The following IFT43 variants were observed in gnomAD, a reference collection of about 807,000 sequenced individuals.
IFT43 encodes the protein intraflagellar transport protein 43 homolog.
A neutral mutation model predicts 32.3 loss-of-function variants in IFT43; 33 were observed. The observed-to-expected ratio is 1.02, with a 90% confidence interval of 0.77 to 1.37. IFT43 has a LOEUF of 1.37. Ranked by LOEUF, IFT43 falls within the 40% of genes most tolerant of loss-of-function variation. The pLI is 0.00. For missense variants in IFT43, 274 were observed against 265.9 expected (o/e 1.03, Z -0.21); for synonymous variants, 93 against 98.2 (o/e 0.95, Z 0.31).
At chr14:76,012,264 C>T (rs1017337452) in intron 2 of IFT43, among the ~76,000 whole-genome samples, 8 of 152,124 alleles carry the variant, frequency 5.3e-5, no homozygotes, top group African/African-American at 1.9e-4. Context: ...CAGAAGGCTC[C>T]TTTTTTGGCA....
chr14:76,081,493 A>T (rs972092236), intron 5 of IFT43, among the ~76,000 whole-genome samples: 7 of 152,220 alleles, frequency 4.6e-5, no homozygotes, highest in Non-Finnish European at 8.8e-5. Flanking sequence ...TGTTAGGTTG[A>T]CCCATGAGAA....
chr14:76,067,247 A>G (rs1320845712), intron 5 of IFT43, among the ~76,000 whole-genome samples: 1 of 152,178 alleles, frequency 6.6e-6, no homozygotes, highest in East Asian at 1.9e-4. Flanking sequence ...TTGATGCTTC[A>G]GGCTTTCTAG....
At chr14:76,083,192 T>G in intron 7 of IFT43, 35 bp from the exon 8 acceptor site, 1 of 1,613,934 alleles carries the variant, frequency 6.2e-7, no homozygotes, top group Non-Finnish European at 8.5e-7. Flanking sequence ...GCCCTCAAGG[T>G]GCTCAGCCTG....
chr14:76,078,653 C>T (rs1353747843), intron 5 of IFT43, among the ~76,000 whole-genome samples: 1 of 152,244 alleles, frequency 6.6e-6, no homozygotes. Flanking sequence ...AGGCAGGGAG[C>T]AGTGCACAAG....
At chr14:76,029,984 G>A (rs937627068) in intron 3 of IFT43, among the ~76,000 whole-genome samples, 32 of 151,676 alleles carry the variant, frequency 2.1e-4, no homozygotes, top group Admixed American at 1.2e-3. Flanking sequence ...GGGCTCAAGT[G>A]ATTCTCCTGC....
At chr14:76,050,623 G>A (rs1311150366) in intron 3 of IFT43, among the ~76,000 whole-genome samples, 1 of 151,812 alleles carries the variant, frequency 6.6e-6, no homozygotes. Context: ...TACCCATCTG[G>A]TGGTGAGAGT....
At chr14:76,062,540 C>G (rs2037156009) in intron 5 of IFT43, among the ~76,000 whole-genome samples, 1 of 152,072 alleles carries the variant, frequency 6.6e-6, no homozygotes, top group East Asian at 1.9e-4. Flanking sequence ...TAACATAAAT[C>G]AAAATATCAT....
intron 3 of IFT43, chr14:76,022,627 C>T: frequency 2.7e-6 from 1 of 365,250 alleles, no homozygotes; most frequent in Non-Finnish European, 5.0e-6. Context: ...CAAAAGAAAC[C>T]CTGTATCTAT....
intron 5 of IFT43, among the ~76,000 whole-genome samples, chr14:76,067,579 CA>C (rs34499028): frequency 2.1e-3 from 280 of 135,736 alleles, no homozygotes; most frequent in Admixed American, 2.0e-3. Flanking sequence ...GAGACTCTCT[CA>C]AAAAAAAAAA....
intron 4 of IFT43, 25 bp downstream of exon 4, chr14:76,058,699 T>A: frequency 6.2e-7 from 1 of 1,611,616 alleles, no homozygotes; most frequent in Non-Finnish European, 8.5e-7. Context: ...TTCTTATTCT[T>A]ATGGTATCCT....
At position 76,076,584 on chromosome 14, in the gene IFT43, C is replaced by T. The variant is rs775140288; in HGVS notation, c.296-5711C>T. 4.3e-6 allele frequency: 7 copies of T among 1,613,942 alleles called. No individual in the cohort carries two copies. In the African/African-American group the frequency reaches 6.7e-5, roughly 15 times the overall value. ...AAGCTGAGTCCAATCTAAGAAGTCA[C>T]TTTCTGTTCTAGCGGTACCCAAACA... On this transcript the variant is annotated intron_variant, in intron 5 of 8. Coordinates refer to ENST00000314067, the MANE Select transcript of IFT43 (RefSeq NM_001102564.3).
chr14:76,002,970 G>A (rs2035918168), intron 2 of IFT43, among the ~76,000 whole-genome samples: 1 of 152,218 alleles, frequency 6.6e-6, no homozygotes, highest in South Asian at 2.1e-4. Flanking sequence ...AAACCGTAAG[G>A]TTGTGATCAG....
intron 2 of IFT43, among the ~76,000 whole-genome samples, chr14:76,020,987 G>T (rs1266411918): frequency 6.6e-6 from 1 of 152,166 alleles, no homozygotes; most frequent in African/African-American, 2.4e-5. Flanking sequence ...CTGGTGGCAG[G>T]CAGGGTAGGC....
chr14:76,045,830 C>T (rs1209337547), intron 3 of IFT43, among the ~76,000 whole-genome samples: 3 of 152,186 alleles, frequency 2.0e-5, no homozygotes, highest in Admixed American at 6.5e-5. Flanking sequence ...CCCCTCAGCC[C>T]CAGAGAGGCT....
intron 3 of IFT43, among the ~76,000 whole-genome samples, chr14:76,057,888 C>A (rs532415182): frequency 6.6e-6 from 1 of 152,186 alleles, no homozygotes; most frequent in Non-Finnish European, 1.5e-5. Flanking sequence ...ATCAACATTT[C>A]GCCAGTCTTA....
At chr14:76,027,843 T>C (rs897831154) in intron 3 of IFT43, among the ~76,000 whole-genome samples, 5 of 152,154 alleles carry the variant, frequency 3.3e-5, no homozygotes, top group African/African-American at 1.2e-4. Context: ...CCTTTGTTGT[T>C]CCCCCAGATG....
intron 2 of IFT43, among the ~76,000 whole-genome samples, chr14:76,001,036 A>C (rs568878221): frequency 6.6e-6 from 1 of 152,216 alleles, no homozygotes; most frequent in South Asian, 2.1e-4. Context: ...GTCTCTATGA[A>C]GAACCTATAG....
Position 76,048,357 on chromosome 14 carries a change from G to C in IFT43, c.216-10285G>C, listed in dbSNP as rs201492577. ...TGAGCCAGCCAGTCTCTGCTAAGGG[G>C]GACCTGCTGCTTTGCAGAGTGAGCA... is the stretch of plus-strand genomic sequence containing the variant. On this transcript the variant is annotated intron_variant, in intron 3 of 8. Coordinates refer to ENST00000314067, the MANE Select transcript of IFT43 (RefSeq NM_001102564.3). 1.7e-4 allele frequency among the ~76,000 whole-genome samples: 26 copies of C among 152,344 alleles called. No homozygotes were observed. The East Asian group carries it at 4.2e-3, about 25-fold the overall frequency.
In IFT43 at chr14:76,076,577, G is replaced by A. The variant is rs766666750; in HGVS notation, c.296-5718G>A. On this transcript the variant is annotated intron_variant, in intron 5 of 8. Transcript: ENST00000314067. ...TCATTGCAAGCTGAGTCCAATCTAA[G>A]AAGTCACTTTCTGTTCTAGCGGTAC... The A allele has an allele frequency of 6.2e-7, 1 of 1,613,946 alleles. No individual in the cohort carries two copies. Among genetic ancestry groups the A allele is most frequent in the East Asian group, 2.2e-5 (1 of 44,882 alleles).
Sources: gnomAD v4.1 joint callset for allele counts (sites outside exome capture counted in the v4.1 genomes callset) on GRCh38, gnomAD v4.1.1 for gene constraint, MANE v1.5 for transcripts, NCBI Gene and HGNC (gene_info 2026-07-23, HGNC 2026-07-21) for gene names.